Variants in IFT88 observed in about 807,000 individuals in gnomAD.
IFT88 encodes the protein intraflagellar transport protein 88 homolog.
In IFT88, 74 loss-of-function variants were observed where a neutral mutation model predicts 119.5. The observed-to-expected ratio is 0.62, with a 90% confidence interval of 0.51 to 0.75. The LOEUF (loss-of-function observed/expected upper bound fraction) is 0.75, where lower values mean the gene tolerates loss of function less well. IFT88 is among the 30% of genes least tolerant of loss of function. IFT88 has a pLI of 0.00. For synonymous variants in IFT88, 279 were observed against 316.7 expected (o/e 0.88, Z 1.26); for missense variants, 961 against 977.7 (o/e 0.98, Z 0.23).
intron 1 of IFT88, among the ~76,000 whole-genome samples, chr13:20,572,588 C>T (rs948790011): frequency 3.3e-5 from 5 of 152,084 alleles, no homozygotes; most frequent in Admixed American, 6.6e-5. Flanking sequence ...TAACAGCATG[C>T]GTATCAATTA....
In IFT88 at chr13:20,650,518, G is replaced by T. The variant is rs1380043149; in HGVS notation, c.1950-3358G>T. 2.6e-5 allele frequency among the ~76,000 whole-genome samples: 4 copies of T among 152,150 alleles called. No homozygotes were observed. The East Asian group carries it at 5.8e-4, about 22-fold the overall frequency. On this transcript the variant is annotated intron_variant, in intron 20 of 25. Transcript: ENST00000351808. ...ACTCACAGCTAACAGGATACTGAATGGTGAAAGACCAAAAGCTTGCTTTCT... is the reference window on the plus strand; with the variant it reads ...ACTCACAGCTAACAGGATACTGAATTGTGAAAGACCAAAAGCTTGCTTTCT...
At chr13:20,577,138 T>A (rs1419738595) in intron 2 of IFT88, among the ~76,000 whole-genome samples, 1 of 152,224 alleles carries the variant, frequency 6.6e-6, no homozygotes. Context: ...CTAAATGGGA[T>A]TACTTTCGTG....
chr13:20,614,998 G>A lies in IFT88; in HGVS notation c.1113-795G>A, dbSNP rs189598392. On this transcript the variant is annotated intron_variant, in intron 13 of 25. Transcript: ENST00000351808. ...ACCTGGCTAATTTTTTGTATTTTTA[G>A]TAGAGACGGGGTTTCACCATGTTAG... Among the ~76,000 whole-genome samples, 16 of 152,058 alleles carry A rather than the reference G, an allele frequency of 1.1e-4. No homozygotes were observed. The East Asian group carries it at 2.9e-3, about 28-fold the overall frequency.
chr13:20,582,964 A>G lies in IFT88; in HGVS notation c.98A>G (p.Glu33Gly). Residue 33 changes from glutamate to glycine, a missense_variant, in exon 3 of 26, where the codon GAG (glutamate) becomes GGG (glycine). Transcript: ENST00000351808. ...YNPIYDIEELENDAAFQQAVR... is the reference protein window; with the variant it reads ...YNPIYDIEELGNDAAFQQAVR... ...TTTGCGTTTTCATTTTAGGAATTGG[A>G]GAATGATGCAGCTTTTCAGCAAGCT... 1 of 1,612,114 alleles carries G rather than the reference A, an allele frequency of 6.2e-7. No individual in the cohort carries two copies. The highest frequency in any genetic ancestry group is 8.5e-7 in the Non-Finnish European group (1 of 1,178,684).
chr13:20,604,624 CT>C (rs1389362556), intron 12 of IFT88, among the ~76,000 whole-genome samples: 1 of 152,126 alleles, frequency 6.6e-6, no homozygotes, highest in South Asian at 2.1e-4. Flanking sequence ...TTTACTCTCC[CT>C]TTTTTAAAAC....
intron 16 of IFT88, among the ~76,000 whole-genome samples, chr13:20,633,966 C>T (rs906294226): frequency 6.6e-6 from 1 of 152,130 alleles, no homozygotes; most frequent in Non-Finnish European, 1.5e-5. Flanking sequence ...ACTGGGCTTG[C>T]CTGGCCTTAC....
chr13:20,651,149 T>G (rs1286031388), intron 20 of IFT88, among the ~76,000 whole-genome samples: 1 of 152,058 alleles, frequency 6.6e-6, no homozygotes, highest in Non-Finnish European at 1.5e-5. Context: ...TTTTGGCTAT[T>G]CATGGTTCCT....
intron 3 of IFT88, among the ~76,000 whole-genome samples, chr13:20,588,370 G>C (rs2149771): frequency 0.78 from 118,318 of 152,036 alleles, 46,707 homozygotes; most frequent in East Asian, 1. Context: ...TGTGATATTT[G>C]CATTATATGT....
In IFT88 at chr13:20,690,717, A is replaced by G. The variant is rs764715617; in HGVS notation, c.2255A>G (p.Asn752Ser). 2.5e-5 allele frequency: 41 copies of G among 1,610,638 alleles called. No individual in the cohort carries two copies. Among genetic ancestry groups the G allele is most frequent in the Non-Finnish European group, 3.3e-5 (39 of 1,176,966 alleles). ...EGSASGDSGQ[N>S]YSASSKGERL... ...TTCGTGTTTTCAGATAGTGGCCAGA[A>G]CTATAGTGCCAGTAGTAAAGGTGAA... is the stretch of plus-strand genomic sequence containing the variant. The change falls in exon 25 of 26, where the codon AAC (asparagine) becomes AGC (serine). Residue 752 changes from asparagine (N) to serine (S), a missense_variant. Coordinates refer to ENST00000351808, the MANE Select transcript of IFT88 (RefSeq NM_006531.5).
intron 4 of IFT88, 89 bp downstream of exon 4, chr13:20,589,956 A>G: frequency 1.5e-6 from 1 of 682,768 alleles, no homozygotes; most frequent in South Asian, 2.2e-5. Context: ...ATTATATCTT[A>G]GGTCATAATC....
At chr13:20,689,714 C>G (rs2058298277) in intron 24 of IFT88, among the ~76,000 whole-genome samples, 1 of 151,820 alleles carries the variant, frequency 6.6e-6, no homozygotes, top group South Asian at 2.1e-4. Flanking sequence ...GGTGGCTTAT[C>G]TTAAACCTTT....
At chr13:20,638,704 A>G (rs1024953020) in intron 17 of IFT88, among the ~76,000 whole-genome samples, 186 bp downstream of exon 17, 2 of 152,200 alleles carry the variant, frequency 1.3e-5, no homozygotes, top group South Asian at 2.1e-4. Context: ...TTCAGAAGCT[A>G]TGCACATGCA....
chr13:20,597,251 T>C, intron 9 of IFT88, 132 bp downstream of exon 9: 1 of 514,168 alleles, frequency 1.9e-6, no homozygotes, highest in Non-Finnish European at 3.5e-6. Flanking sequence ...ATAATAATCT[T>C]TAGTTCATAA....
chr13:20,580,722 T>C (rs920725939), intron 2 of IFT88, among the ~76,000 whole-genome samples: 6 of 145,246 alleles, frequency 4.1e-5, no homozygotes, highest in African/African-American at 1.6e-4. Context: ...ATTTTCTTTT[T>C]TCTTTTTTTT....
chr13:20,636,459 T>A (rs898082532), intron 16 of IFT88, among the ~76,000 whole-genome samples: 1 of 152,254 alleles, frequency 6.6e-6, no homozygotes, highest in African/African-American at 2.4e-5. Context: ...TCTCTTCCTA[T>A]ACCTGATCAA....
intron 8 of IFT88, among the ~76,000 whole-genome samples, 158 bp from the exon 9 acceptor site, chr13:20,596,857 C>G (rs1259010832): frequency 6.6e-6 from 1 of 152,102 alleles, no homozygotes; most frequent in Non-Finnish European, 1.5e-5. Context: ...AACAAAAAGT[C>G]CCTTTCCAAG....
At chr13:20,683,792 T>G (rs1026980466) in intron 24 of IFT88, among the ~76,000 whole-genome samples, 1 of 152,236 alleles carries the variant, frequency 6.6e-6, no homozygotes, top group Non-Finnish European at 1.5e-5. Context: ...CCTGTTTGAT[T>G]AATTTCACTT....
At chr13:20,614,228 T>A (rs530923378) in intron 13 of IFT88, 1 of 152,210 alleles carries the variant, frequency 6.6e-6, no homozygotes, top group Admixed American at 6.5e-5. Context: ...AATCAATCAA[T>A]GTAATTCACC....
chr13:20,638,411 A>G lies in IFT88; in HGVS notation c.1466A>G (p.Asn489Ser), dbSNP rs1432423129. The G allele has an allele frequency of 2.0e-6, 3 of 1,525,882 alleles. No individual in the cohort carries two copies. Among genetic ancestry groups the G allele is most frequent in the Non-Finnish European group, 2.6e-6 (3 of 1,141,592 alleles). 94.5% of individuals were successfully genotyped at this position (1,525,882 alleles called of 1,614,324 possible). A position where few individuals can be genotyped will look rare whatever the true frequency, so the allele number is the denominator to read the frequency against. The change falls in exon 17 of 26, where the codon AAT (asparagine) becomes AGT (serine). Residue 489 changes from asparagine to serine, a missense_variant. Coordinates refer to ENST00000351808, the MANE Select transcript of IFT88 (RefSeq NM_006531.5). The part of the protein sequence containing the change: ...SDRYNPAALT[N>S]KGNTVFANGD... ...AGATATAATCCAGCAGCTCTTACTA[A>G]TAAAGGGAATACAGTTTTTGCAAAT...
Sources: allele counts gnomAD v4.1 joint callset (sites outside exome capture counted in the v4.1 genomes callset), GRCh38; gene constraint gnomAD v4.1.1; transcripts MANE v1.5; gene names NCBI Gene and HGNC (gene_info 2026-07-23, HGNC 2026-07-21).